Variants in PECAM1 observed in about 807,000 individuals in gnomAD.
The protein encoded by PECAM1 is platelet and endothelial cell adhesion molecule 1, also known as platelet endothelial cell adhesion molecule.
A neutral mutation model predicts 13.8 loss-of-function variants in PECAM1; 8 were observed. The ratio of observed to expected loss-of-function variants is 0.58; its 90% CI spans 0.34 to 1.05. The LOEUF (loss-of-function observed/expected upper bound fraction) is 1.05, where lower values mean the gene tolerates loss of function less well. Among genes scored for constraint, PECAM1 ranks in the 50% least tolerant of loss-of-function variants. The pLI is 0.03. For synonymous variants in PECAM1, 136 were observed against 52.6 expected (o/e 2.58, Z -6.86); for missense variants, 304 against 141.2 (o/e 2.15, Z -5.84).
At chr17:64,335,225 A>G (rs1357330164) in intron 14 of PECAM1, among the ~76,000 whole-genome samples, 1 of 152,124 alleles carries the variant, frequency 6.6e-6, no homozygotes, top group Non-Finnish European at 1.5e-5. Flanking sequence ...GAGAGGCTCT[A>G]TGACTTGCCC....
chr17:64,374,926 C>T (rs1265523350), intron 4 of PECAM1, 125 bp downstream of exon 4: 6 of 410,882 alleles, frequency 1.5e-5, no homozygotes, highest in Non-Finnish European at 2.7e-5. Context: ...AAAATACTGG[C>T]TTAAAATGAT....
chr17:64,353,137 A>G (rs1262901545), intron 10 of PECAM1, among the ~76,000 whole-genome samples: 1 of 152,062 alleles, frequency 6.6e-6, no homozygotes, highest in East Asian at 1.9e-4. Flanking sequence ...TAGTAAAACC[A>G]TTTTTTAAAG....
At chr17:64,354,134 G>A (rs998987549) in intron 9 of PECAM1, among the ~76,000 whole-genome samples, 1 of 151,934 alleles carries the variant, frequency 6.6e-6, no homozygotes, top group Non-Finnish European at 1.5e-5. Flanking sequence ...AGAGATGGGG[G>A]TTTCACCATG....
At chr17:64,354,599 T>G (rs2035807764) in intron 9 of PECAM1, among the ~76,000 whole-genome samples, 1 of 152,202 alleles carries the variant, frequency 6.6e-6, no homozygotes, top group African/African-American at 2.4e-5. Context: ...AGGGTAGAAG[T>G]CACAGCACAA....
intron 5 of PECAM1, among the ~76,000 whole-genome samples, chr17:64,367,736 C>T (rs2036143695): frequency 6.6e-6 from 1 of 151,864 alleles, no homozygotes; most frequent in Non-Finnish European, 1.5e-5. Flanking sequence ...TAGGTAAAAC[C>T]GGGTCTTAGG....
chr17:64,346,511 T>C (rs1183723322), intron 13 of PECAM1, among the ~76,000 whole-genome samples: 1 of 152,100 alleles, frequency 6.6e-6, no homozygotes, highest in Non-Finnish European at 1.5e-5. Context: ...AATTTTTGTA[T>C]TTTTAGTAGA....
At chr17:64,369,416 T>C (rs998044974) in intron 5 of PECAM1, among the ~76,000 whole-genome samples, 38 of 152,306 alleles carry the variant, frequency 2.5e-4, no homozygotes, top group African/African-American at 8.2e-4. Context: ...GCTTACAGTA[T>C]AGTTATCTCA....
At position 64,321,485 on chromosome 17, in the gene PECAM1, C is replaced by T. The variant is rs2034810355; in HGVS notation, c.*2331G>A. On this transcript the variant is annotated 3_prime_UTR_variant, in exon 16 of 16. Transcript: ENST00000563924. ...TCATGTGTGCTCCACAGGCCGGGGG[C>T]GGTGGCTCATGCCTGCAATCCCAGC... 3.0e-6 allele frequency: 3 copies of T among 997,242 alleles called. No individual in the cohort carries two copies. Among genetic ancestry groups the T allele is most frequent in the Admixed American group, 1.1e-4 (2 of 17,460 alleles). The allele number at this position is 997,242 out of a possible 1,614,324, so 61.8% of individuals were successfully genotyped here.
chr17:64,331,033 A>G (rs2035099091), intron 14 of PECAM1, among the ~76,000 whole-genome samples: 1 of 152,112 alleles, frequency 6.6e-6, no homozygotes. Flanking sequence ...CCTCTTTGGG[A>G]ATAAAGCTAT....
intron 5 of PECAM1, among the ~76,000 whole-genome samples, chr17:64,367,818 T>C (rs1342283327): frequency 6.6e-6 from 1 of 152,118 alleles, no homozygotes; most frequent in African/African-American, 2.4e-5. Flanking sequence ...GTACTTTTCT[T>C]TAATGAGATA....
intron 2 of PECAM1, 58 bp from the exon 3 acceptor site, chr17:64,378,175 C>T (rs1358199802): frequency 9.1e-6 from 4 of 439,034 alleles, no homozygotes; most frequent in South Asian, 9.6e-5. Flanking sequence ...AACATCATCC[C>T]GGTGACCTTC....
chr17:64,388,791 C>T (rs959735304), intron 2 of PECAM1, among the ~76,000 whole-genome samples: 6 of 152,126 alleles, frequency 3.9e-5, no homozygotes, highest in East Asian at 1.9e-4. Context: ...CCCTGCCTCC[C>T]GAGTAGCTGG....
chr17:64,329,613 G>A, intron 15 of PECAM1, 87 bp downstream of exon 15: 1 of 713,538 alleles, frequency 1.4e-6, no homozygotes, highest in Non-Finnish European at 2.6e-6. Flanking sequence ...AAGAATTCAT[G>A]TGAATGCAGG....
chr17:64,379,136 C>A (rs2036427594), intron 2 of PECAM1: 1 of 152,234 alleles, frequency 6.6e-6, no homozygotes, highest in Non-Finnish European at 1.5e-5. Context: ...CGGCAGGAAT[C>A]TCTGGTCAAG....
intron 14 of PECAM1, among the ~76,000 whole-genome samples, chr17:64,330,015 G>A (rs2035064049): frequency 6.6e-6 from 1 of 151,656 alleles, no homozygotes; most frequent in African/African-American, 2.4e-5. Context: ...GCTGGAGTGT[G>A]GTGGCGCCAT....
chr17:64,328,219 C>T (rs1201076778), intron 15 of PECAM1, among the ~76,000 whole-genome samples: 1 of 152,210 alleles, frequency 6.6e-6, no homozygotes, highest in Non-Finnish European at 1.5e-5. Context: ...GTTGGTCCTA[C>T]AGGGTGTTTT....
chr17:64,321,786 T>C lies in PECAM1; in HGVS notation c.*2030A>G. 7.6e-7 allele frequency: 1 copy of C among 1,319,210 alleles called. No homozygotes were observed. Among genetic ancestry groups the C allele is most frequent in the Non-Finnish European group, 1.0e-6 (1 of 997,830 alleles). The allele number at this position is 1,319,210 out of a possible 1,614,324, so 81.7% of individuals were successfully genotyped here. A position where few individuals can be genotyped will look rare whatever the true frequency, so the allele number is the denominator to read the frequency against. The stretch of plus-strand genomic sequence containing the variant: ...AACAAAACAAAACAAAACAAAAAAT[T>C]CAGTCGTGCTGCATAAGTAAGGCAC... On this transcript the variant is annotated 3_prime_UTR_variant, in exon 16 of 16. Transcript: ENST00000563924.
At chr17:64,364,370 T>C (rs2036053590) in intron 5 of PECAM1, among the ~76,000 whole-genome samples, 1 of 151,902 alleles carries the variant, frequency 6.6e-6, no homozygotes, top group African/African-American at 2.4e-5. Flanking sequence ...ACCAGATGGA[T>C]TCACAGCCGA....
chr17:64,386,833 G>A (rs906133592), intron 2 of PECAM1, among the ~76,000 whole-genome samples: 1 of 152,242 alleles, frequency 6.6e-6, no homozygotes, highest in African/African-American at 2.4e-5. Flanking sequence ...GTGCAGCTGC[G>A]TGTGAGGGGC....
Sources: allele counts gnomAD v4.1 joint callset (sites outside exome capture counted in the v4.1 genomes callset), GRCh38; gene constraint gnomAD v4.1.1; transcripts MANE v1.5; gene names NCBI Gene and HGNC (gene_info 2026-07-23, HGNC 2026-07-21).